RBFOX1: variants seen among roughly 807,000 people sequenced by gnomAD.
The protein encoded by RBFOX1 is RNA binding fox-1 homolog 1.
RBFOX1 carries 8 observed loss-of-function variants against 57.7 expected under a neutral mutation model. The ratio of observed to expected loss-of-function variants is 0.14; its 90% CI spans 0.08 to 0.25. The LOEUF (loss-of-function observed/expected upper bound fraction) is 0.25. Among genes scored for constraint, RBFOX1 ranks in the 10% least tolerant of loss-of-function variants. The pLI is 1.00. For synonymous variants in RBFOX1, 326 were observed against 222.4 expected (o/e 1.47, Z -4.15); for missense variants, 611 against 548.5 (o/e 1.11, Z -1.14).
intron 4 of RBFOX1, among the ~76,000 whole-genome samples, chr16:7,150,230 A>G (rs2075851122): frequency 1.3e-5 from 2 of 152,188 alleles, no homozygotes; most frequent in African/African-American, 4.8e-5. Flanking sequence ...GCTGGCAACC[A>G]TTTAAATGTA....
intron 2 of RBFOX1, among the ~76,000 whole-genome samples, chr16:6,396,510 T>G (rs1314348752): frequency 6.6e-6 from 1 of 152,174 alleles, no homozygotes; most frequent in African/African-American, 2.4e-5. Flanking sequence ...AGCATATTTA[T>G]ATAAAAGAGG....
chr16:7,051,817 C>T (rs1003026118), intron 3 of RBFOX1, among the ~76,000 whole-genome samples: 2 of 152,148 alleles, frequency 1.3e-5, no homozygotes, highest in African/African-American at 4.8e-5. Context: ...ACACATACTC[C>T]TGCACGTCTC....
At chr16:6,817,875 C>T (rs920105084) in intron 3 of RBFOX1, among the ~76,000 whole-genome samples, 1 of 152,160 alleles carries the variant, frequency 6.6e-6, no homozygotes, top group Non-Finnish European at 1.5e-5. Flanking sequence ...ATCCCAAGCC[C>T]TTCATGAAGG....
At chr16:5,743,743 G>A (rs1343432431) in intron 3 of RBFOX1, among the ~76,000 whole-genome samples, 1 of 152,116 alleles carries the variant, frequency 6.6e-6, no homozygotes, top group East Asian at 1.9e-4. Context: ...AGGCCTTGCT[G>A]TGTTGCCCTG....
chr16:7,066,435 G>A (rs1259173253), intron 4 of RBFOX1, among the ~76,000 whole-genome samples: 1 of 152,220 alleles, frequency 6.6e-6, no homozygotes, highest in African/African-American at 2.4e-5. Context: ...GTTAGACCTA[G>A]CATTGAGGCC....
At chr16:5,715,672 C>G (rs2051669882) in intron 3 of RBFOX1, among the ~76,000 whole-genome samples, 1 of 152,194 alleles carries the variant, frequency 6.6e-6, no homozygotes, top group Non-Finnish European at 1.5e-5. Flanking sequence ...AAAGGCTTGC[C>G]TTCTCCATGA....
intron 1 of RBFOX1, among the ~76,000 whole-genome samples, chr16:6,172,341 G>A (rs566552089): frequency 1.3e-5 from 2 of 152,308 alleles, no homozygotes; most frequent in Non-Finnish European, 2.9e-5. Context: ...GCAGGAATGA[G>A]TAAGGGAAAC....
At chr16:5,944,135 T>C (rs1175645289) in intron 4 of RBFOX1, among the ~76,000 whole-genome samples, 3 of 152,214 alleles carry the variant, frequency 2.0e-5, no homozygotes, top group Non-Finnish European at 4.4e-5. Context: ...CAAGCCTTAG[T>C]TCATATCCTA....
chr16:6,873,793 CT>C (rs2061359657), intron 3 of RBFOX1: 1 of 152,110 alleles, frequency 6.6e-6, no homozygotes, highest in Non-Finnish European at 1.5e-5. Flanking sequence ...ACTCTGTGAT[CT>C]TTATTATTGC....
chr16:6,862,924 G>A (rs1393429962), intron 3 of RBFOX1, among the ~76,000 whole-genome samples: 1 of 151,794 alleles, frequency 6.6e-6, no homozygotes, highest in African/African-American at 2.4e-5. Context: ...GGCAGAGGTT[G>A]CAGTGAGCTG....
chr16:5,874,308 G>C (rs1222574122), intron 4 of RBFOX1, among the ~76,000 whole-genome samples: 1 of 152,180 alleles, frequency 6.6e-6, no homozygotes, highest in Non-Finnish European at 1.5e-5. Flanking sequence ...CAGGAGTTGG[G>C]AAGGAATTTG....
intron 3 of RBFOX1, among the ~76,000 whole-genome samples, chr16:5,789,081 C>G (rs569489735): frequency 6.6e-5 from 10 of 152,238 alleles, no homozygotes; most frequent in Admixed American, 2.6e-4. Flanking sequence ...AAACCCTTCC[C>G]TCTCTCTCCC....
At chr16:6,375,240 A>G (rs759451551) in intron 2 of RBFOX1, among the ~76,000 whole-genome samples, 3 of 152,128 alleles carry the variant, frequency 2.0e-5, no homozygotes, top group Non-Finnish European at 2.9e-5. Flanking sequence ...GGAATTCTCC[A>G]TGTCATTCTC....
At chr16:6,835,110 C>T (rs1197967525) in intron 3 of RBFOX1, among the ~76,000 whole-genome samples, 3 of 152,048 alleles carry the variant, frequency 2.0e-5, no homozygotes, top group South Asian at 2.1e-4. Context: ...TTAGTGTTAG[C>T]CAGGATGGTC....
chr16:5,867,592 T>C (rs1567647432), intron 4 of RBFOX1, among the ~76,000 whole-genome samples: 1 of 152,208 alleles, frequency 6.6e-6, no homozygotes, highest in Non-Finnish European at 1.5e-5. Flanking sequence ...AGATACATCA[T>C]AATTCTAGCC....
chr16:6,611,423 A>G (rs554546854), intron 2 of RBFOX1, among the ~76,000 whole-genome samples: 1 of 152,230 alleles, frequency 6.6e-6, no homozygotes, highest in Non-Finnish European at 1.5e-5. Flanking sequence ...CTGGGATGTC[A>G]GGCGTGAGCC....
At chr16:6,918,117 G>C (rs1222484494) in intron 3 of RBFOX1, among the ~76,000 whole-genome samples, 1 of 152,022 alleles carries the variant, frequency 6.6e-6, no homozygotes, top group Non-Finnish European at 1.5e-5. Flanking sequence ...TGAAACCCCT[G>C]TCTCTACTAA....
chr16:6,072,532 C>T (rs186896648), intron 1 of RBFOX1, among the ~76,000 whole-genome samples: 1 of 152,126 alleles, frequency 6.6e-6, no homozygotes, highest in South Asian at 2.1e-4. Context: ...AACATTTATA[C>T]TCTTTTTCCA....
intron 4 of RBFOX1, among the ~76,000 whole-genome samples, chr16:7,059,263 G>A (rs1000564483): frequency 6.6e-6 from 1 of 152,116 alleles, no homozygotes; most frequent in African/African-American, 2.4e-5. Context: ...ACGATAGCAC[G>A]GAAGAAAATG....
Sources: allele counts gnomAD v4.1 joint callset (sites outside exome capture counted in the v4.1 genomes callset), GRCh38; gene constraint gnomAD v4.1.1; transcripts MANE v1.5; gene names NCBI Gene and HGNC (gene_info 2026-07-23, HGNC 2026-07-21).